Variants in DEPDC5 observed in about 807,000 individuals in gnomAD.
The protein encoded by DEPDC5 is GATOR1 complex protein DEPDC5.
In DEPDC5, 73 loss-of-function variants were observed where a neutral mutation model predicts 217.3. That is an observed-to-expected ratio of 0.34 (90% CI 0.28 to 0.41). DEPDC5 has a LOEUF of 0.41. Ranked by LOEUF, DEPDC5 falls within the 10% of genes least tolerant of loss-of-function variation. The pLI is 1.00. For missense variants in DEPDC5, 1,675 were observed against 2,070.1 expected, an observed-to-expected ratio of 0.81 and a Z score of 3.70; for synonymous variants, 733 against 756.7, an observed-to-expected ratio of 0.97 and a Z score of 0.51.
Position 31,901,809 on chromosome 22 carries a change from C to A in DEPDC5, c.4436+7C>A, listed in dbSNP as rs545252351. On this transcript the variant is annotated splice_region_variant and intron_variant, in intron 41 of 42. Transcript: ENST00000651528. ...AGGAAGCCATTGCACACAGGTTTGT[C>A]CCTTAGCAAGTGTGAAGAGTGGGAA... 1.2e-5 allele frequency: 20 copies of A among 1,612,588 alleles called. No individual in the cohort carries two copies. In the South Asian group the frequency reaches 2.0e-4, roughly 16 times the overall value.
At chr22:31,784,715 G>A in intron 9 of DEPDC5, 99 bp from the exon 10 acceptor site, 1 of 1,153,000 alleles carries the variant, frequency 8.7e-7, no homozygotes, top group Non-Finnish European at 1.3e-6. Flanking sequence ...GAATTGCTTA[G>A]AGAAGAATTT....
intron 33 of DEPDC5, among the ~76,000 whole-genome samples, chr22:31,864,803 C>T (rs1260297860): frequency 2.6e-5 from 4 of 152,054 alleles, no homozygotes; most frequent in African/African-American, 4.8e-5. Flanking sequence ...ATTCTTCTGC[C>T]TCAGCCTCCC....
intron 25 of DEPDC5, 150 bp downstream of exon 25, chr22:31,834,130 ACT>A (rs770675938): frequency 1.3e-5 from 10 of 786,956 alleles, no homozygotes; most frequent in Non-Finnish European, 2.2e-5. Context: ...GTGAGGGAGG[ACT>A]CTCTGGACTC....
At position 31,870,674 on chromosome 22, in the gene DEPDC5, A is replaced by G; in HGVS notation, c.3415A>G (p.Ser1139Gly). 1 of 1,603,980 alleles carries G rather than the reference A, an allele frequency of 6.2e-7. No homozygotes were observed. Among genetic ancestry groups the G allele is most frequent in the Admixed American group, 1.7e-5 (1 of 58,258 alleles). ...AGGCCAATCCATGGACAGAGGCAAC[A>G]GCCAGACCTTTGGGAACTCCCAGAA... is the stretch of plus-strand genomic sequence containing the variant. ...CTGQSMDRGNSQTFGNSQNIG... is the reference protein window; with the variant it reads ...CTGQSMDRGNGQTFGNSQNIG... Residue 1139 changes from serine to glycine, a missense_variant, in exon 34 of 43, where the codon AGC (serine) becomes GGC (glycine). Coordinates refer to ENST00000651528, the MANE Select transcript of DEPDC5 (RefSeq NM_001242896.3).
Position 31,893,596 on chromosome 22 carries a change from G to A in DEPDC5, c.4048G>A (p.Glu1350Lys). 6.2e-7 allele frequency: 1 copy of A among 1,609,678 alleles called. No individual in the cohort carries two copies. Among genetic ancestry groups the A allele is most frequent in the Non-Finnish European group, 8.5e-7 (1 of 1,178,072 alleles). Residue 1350 changes from glutamate (E) to lysine (K), a missense_variant, in exon 39 of 43, where the codon GAG (glutamate) becomes AAG (lysine). Glu to Lys is a moderately conservative substitution (Grantham distance 56). Transcript: ENST00000651528. Reference sequence around the variant, plus strand: ...TGCTGACATAGCTGCCACTGTCCCAGAGCAGAGGACTGTGACCCTGGATGT... The same window carrying A: ...TGCTGACATAGCTGCCACTGTCCCAAAGCAGAGGACTGTGACCCTGGATGT... ...AAALLAATVP[E>K]QRTVTLDVDV... is the part of the protein sequence containing the mutation.
chr22:31,903,971 C>G (rs117851892), intron 41 of DEPDC5, among the ~76,000 whole-genome samples: 2 of 152,078 alleles, frequency 1.3e-5, no homozygotes, highest in East Asian at 1.9e-4. Context: ...TAGGGTGGAG[C>G]TTTAAGTGCA....
chr22:31,819,316 C>A, intron 22 of DEPDC5, 91 bp downstream of exon 22: 2 of 1,364,472 alleles, frequency 1.5e-6, no homozygotes, highest in Non-Finnish European at 2.0e-6. Flanking sequence ...GGTCAGGTGC[C>A]TCTGTTGCTC....
rs1217085165 is a variant in DEPDC5, at chr22:31,815,233, A to C, written c.1666+21A>C. On this transcript the variant is annotated intron_variant, in intron 21 of 42. Transcript: ENST00000651528. ...TCGAGGTAAGAGTGCTGAAGCACAGACAGAGCCAGGGACATCTTTCTTAAT... is the reference window on the plus strand; with the variant it reads ...TCGAGGTAAGAGTGCTGAAGCACAGCCAGAGCCAGGGACATCTTTCTTAAT... The C allele has an allele frequency of 2.5e-6, 4 of 1,613,400 alleles. No individual in the cohort carries two copies. The Admixed American group carries it at 6.7e-5, about 27-fold the overall frequency.
At chr22:31,882,421 A>G (rs574318455) in intron 38 of DEPDC5, among the ~76,000 whole-genome samples, 112 of 152,352 alleles carry the variant, frequency 7.4e-4, no homozygotes, top group Middle Eastern at 3.4e-3. Context: ...GCATGGCGAC[A>G]ATTTATGTGA....
chr22:31,799,926 C>T (rs1484177145), intron 14 of DEPDC5, among the ~76,000 whole-genome samples: 1 of 151,120 alleles, frequency 6.6e-6, no homozygotes, highest in East Asian at 1.9e-4. Context: ...CCTCAGCCTC[C>T]CAAGTAGCTG....
intron 40 of DEPDC5, among the ~76,000 whole-genome samples, chr22:31,898,749 A>AT (rs1044947432): frequency 3.3e-5 from 5 of 152,060 alleles, no homozygotes; most frequent in Non-Finnish European, 5.9e-5. Flanking sequence ...AGTTTGGAAG[A>AT]TTTTTTTTAT....
At chr22:31,854,480 C>T (rs1797645405) in intron 31 of DEPDC5, among the ~76,000 whole-genome samples, 1 of 152,224 alleles carries the variant, frequency 6.6e-6, no homozygotes, top group Non-Finnish European at 1.5e-5. Flanking sequence ...CTGTGAATTA[C>T]ACCTTAGAGC....
chr22:31,815,382 C>CTTTT, intron 21 of DEPDC5, 170 bp downstream of exon 21: 1 of 663,162 alleles, frequency 1.5e-6, no homozygotes, highest in Admixed American at 2.6e-5. Context: ...ATATATTATA[C>CTTTT]TTCTTTTTTT....
rs1010395464 is a variant in DEPDC5, at chr22:31,832,391, G to A, written c.2105-1524G>A. Among the ~76,000 whole-genome samples the A allele has an allele frequency of 2.0e-5, 3 of 151,874 alleles. No individual in the cohort carries two copies. The East Asian group carries it at 5.8e-4, about 29-fold the overall frequency. On this transcript the variant is annotated intron_variant, in intron 24 of 42. Transcript: ENST00000651528. ...TTATCAACAATGTGTAAGGCTTCCT[G>A]TTGTTCCATATCCTTGTCAACACTT...
intron 40 of DEPDC5, among the ~76,000 whole-genome samples, chr22:31,900,014 G>A (rs5998165): frequency 0.17 from 25,500 of 152,130 alleles, 3,029 homozygotes; most frequent in African/African-American, 0.33. Context: ...CTCCTCCCCA[G>A]CTGATTACTC....
rs2093766203 is a variant in DEPDC5 at position 31,906,772 on chromosome 22, G to A, written c.*275G>A. 5.4e-5 allele frequency: 29 copies of A among 532,172 alleles called. No individual in the cohort carries two copies. In the South Asian group the frequency reaches 5.9e-4, roughly 11 times the overall value. 33.0% of individuals were successfully genotyped at this position (532,172 alleles called of 1,614,324 possible). A position where few individuals can be genotyped will look rare whatever the true frequency, so the allele number is the denominator to read the frequency against. ...AGCAGGTGGGAGGCACAGATTGTCC[G>A]TGGGAGGGCTCCAGTGTCTGGGAAG... On this transcript the variant is annotated 3_prime_UTR_variant, in exon 43 of 43. Coordinates refer to ENST00000651528, the MANE Select transcript of DEPDC5 (RefSeq NM_001242896.3). The surrounding 1 kb of genome is among the most constrained non-coding windows in gnomAD (Gnocchi z 5.1).
At chr22:31,866,863 G>A (rs112000900) in intron 33 of DEPDC5, among the ~76,000 whole-genome samples, 2 of 132,806 alleles carry the variant, frequency 1.5e-5, no homozygotes, top group African/African-American at 5.7e-5. Context: ...ACATCAGTAG[G>A]TACCTGAGAT....
intron 39 of DEPDC5, among the ~76,000 whole-genome samples, chr22:31,895,138 C>T (rs1300217797): frequency 7.6e-6 from 1 of 131,814 alleles, no homozygotes. Flanking sequence ...AGCGAGAATC[C>T]GTCTCAAAAA....
intron 17 of DEPDC5, 140 bp downstream of exon 17, chr22:31,805,055 T>C: frequency 1.3e-6 from 1 of 762,814 alleles, no homozygotes; most frequent in East Asian, 2.7e-5. Flanking sequence ...TAACATTTGC[T>C]CAAAGCTCTG....
Sources: allele counts gnomAD v4.1 joint callset (sites outside exome capture counted in the v4.1 genomes callset), GRCh38; gene constraint gnomAD v4.1.1; non-coding constraint Gnocchi (gnomAD v3.1); transcripts MANE v1.5; gene names NCBI Gene and HGNC (gene_info 2026-07-23, HGNC 2026-07-21).